Variants in RIMS1 observed in about 807,000 individuals in gnomAD.
RIMS1 encodes regulating synaptic membrane exocytosis 1, also known as regulating synaptic membrane exocytosis protein 1.
A neutral mutation model predicts 214.1 loss-of-function variants in RIMS1; 83 were observed. The ratio of observed to expected loss-of-function variants is 0.39; its 90% CI spans 0.32 to 0.47. RIMS1 has a LOEUF of 0.47. Ranked by LOEUF, RIMS1 falls within the 20% of genes least tolerant of loss-of-function variation. The pLI is 0.99. For synonymous variants in RIMS1, 793 were observed against 786.8 expected (o/e 1.01, Z -0.13); for missense variants, 2,050 against 2,161.8 (o/e 0.95, Z 1.03).
At chr6:71,947,774 A>T (rs1744502465) in intron 1 of RIMS1, among the ~76,000 whole-genome samples, 1 of 152,140 alleles carries the variant, frequency 6.6e-6, no homozygotes, top group South Asian at 2.1e-4. Context: ...CATATATGAA[A>T]TATGTTACAA....
chr6:71,917,471 T>A (rs139185748), intron 1 of RIMS1, among the ~76,000 whole-genome samples: 468 of 152,132 alleles, frequency 3.1e-3, no homozygotes, highest in African/African-American at 0.011. Context: ...AGTGCTTACA[T>A]GTTGAGAGTA....
At chr6:72,355,100 TAACTA>T (rs1377490834) in intron 29 of RIMS1, among the ~76,000 whole-genome samples, 5 of 152,226 alleles carry the variant, frequency 3.3e-5, no homozygotes, top group Non-Finnish European at 5.9e-5. Context: ...TTTGTATACT[TAACTA>T]AAGTTTTATT....
At chr6:72,040,416 T>G (rs1047649679) in intron 2 of RIMS1, among the ~76,000 whole-genome samples, 1 of 152,126 alleles carries the variant, frequency 6.6e-6, no homozygotes. Context: ...TGTCTAGATT[T>G]TGAATTCTAG....
chr6:72,182,573 C>A lies in RIMS1; in HGVS notation c.1102C>A (p.Pro368Thr). Residue 368 changes from proline to threonine, a missense_variant, in exon 6 of 34, where the codon CCG becomes ACG. Physicochemically the swap from Pro to Thr is conservative, Grantham distance 38. Transcript: ENST00000521978. Reference sequence around the variant, plus strand: ...GAACCTAGCTCGGTACCCGGTGAAACCGCCGCCTGAGGAGCAGCAGATGCG... The same window carrying A: ...GAACCTAGCTCGGTACCCGGTGAAAACGCCGCCTGAGGAGCAGCAGATGCG... The part of the protein sequence containing the change: ...DPNLARYPVK[P>T]PPEEQQMRMH... 1 of 1,549,782 alleles carries A rather than the reference C, an allele frequency of 6.5e-7. No homozygotes were observed. Among genetic ancestry groups the A allele is most frequent in the Non-Finnish European group, 8.7e-7 (1 of 1,147,282 alleles).
chr6:72,235,691 C>A lies in RIMS1; in HGVS notation c.1820C>A (p.Thr607Asn). 1 of 1,609,172 alleles carries A rather than the reference C, an allele frequency of 6.2e-7. No homozygotes were observed. The highest frequency in any genetic ancestry group is 8.5e-7 in the Non-Finnish European group (1 of 1,177,430). Residue 607 changes from threonine to asparagine, a missense_variant, in exon 8 of 34, where the codon ACC becomes AAC. Around this residue, in one of 6 missense-constraint regions of RIMS1, gnomAD observed 882 missense variants for 828.9 expected, o/e 1.06. Transcript: ENST00000521978. ...IGRVILNKRT[T>N]MPKDSGALLG... is the part of the protein sequence containing the mutation. ...CGTGTTATTCTTAACAAGAGAACAA[C>A]CATGCCCAAAGACTCAGGTGCATTG...
At chr6:71,989,731 A>G (rs1801022861) in intron 2 of RIMS1, among the ~76,000 whole-genome samples, 1 of 152,176 alleles carries the variant, frequency 6.6e-6, no homozygotes, top group Non-Finnish European at 1.5e-5. Flanking sequence ...GTACCGTGCT[A>G]GCAACCAGGA....
At chr6:72,024,194 T>G (rs183539333) in intron 2 of RIMS1, among the ~76,000 whole-genome samples, 15 of 152,282 alleles carry the variant, frequency 9.9e-5, no homozygotes, top group Admixed American at 8.5e-4. Context: ...TTTATTTTAT[T>G]TTCTTAGCTC....
chr6:72,240,844 C>T (rs942001217), intron 9 of RIMS1, among the ~76,000 whole-genome samples: 5 of 151,418 alleles, frequency 3.3e-5, no homozygotes, highest in African/African-American at 9.7e-5. Context: ...GGTGAAACCC[C>T]GTCTCTACTA....
chr6:72,276,284 A>G (rs755294250), intron 23 of RIMS1, among the ~76,000 whole-genome samples: 1 of 152,254 alleles, frequency 6.6e-6, no homozygotes, highest in African/African-American at 2.4e-5. Flanking sequence ...TCCAAAACAA[A>G]TAAAATAGTA....
Position 72,365,410 on chromosome 6 carries a change from A to C in RIMS1, c.4367-25188A>C, listed in dbSNP as rs78700573. Among the ~76,000 whole-genome samples the C allele has an allele frequency of 5.4e-3, 823 of 152,346 alleles. 5 individuals carry two copies. The highest frequency in any genetic ancestry group is 0.03 in the South Asian group (146 of 4,822). ...ATACATTGTTTACCAAGGTACCAGT[A>C]GGCTAAACTTTTGAATTACATAGAC... On this transcript the variant is annotated intron_variant, in intron 29 of 33. Transcript: ENST00000521978.
At chr6:72,085,318 A>G (rs1390009845) in intron 2 of RIMS1, among the ~76,000 whole-genome samples, 1 of 152,192 alleles carries the variant, frequency 6.6e-6, no homozygotes, top group Non-Finnish European at 1.5e-5. Context: ...TATTTAGAAT[A>G]TTGCCTCTGA....
chr6:72,110,583 C>A (rs1272521013), intron 4 of RIMS1, among the ~76,000 whole-genome samples: 1 of 149,200 alleles, frequency 6.7e-6, no homozygotes, highest in Non-Finnish European at 1.5e-5. Flanking sequence ...AGTTGCTTAT[C>A]AGCTTAAGGA....
chr6:72,251,115 A>G (rs756437531), intron 14 of RIMS1, 23 bp downstream of exon 14: 1 of 1,564,250 alleles, frequency 6.4e-7, no homozygotes, highest in Admixed American at 1.9e-5. Context: ...TTAAAAACTC[A>G]AGTCAAATAG....
chr6:72,124,144 A>T lies in RIMS1; in HGVS notation c.471+24158A>T, dbSNP rs1421458677. On this transcript the variant is annotated intron_variant, in intron 4 of 33. Coordinates refer to ENST00000521978, the MANE Select transcript of RIMS1 (RefSeq NM_014989.7). ...CCTTTCCGTGTTTAGTGCTTCCTTC[A>T]GGAGCTCTTTTAGGGCAGGCCTGGT... 4.6e-5 allele frequency among the ~76,000 whole-genome samples: 7 copies of T among 151,838 alleles called. 1 individual carries two copies. Among genetic ancestry groups the T allele is most frequent in the Admixed American group, 2.6e-4 (4 of 15,224 alleles).
At chr6:72,223,066 T>C (rs1336545118) in intron 6 of RIMS1, among the ~76,000 whole-genome samples, 1 of 152,220 alleles carries the variant, frequency 6.6e-6, no homozygotes, top group Non-Finnish European at 1.5e-5. Context: ...AGTGTGCATC[T>C]TTAATGGTTT....
chr6:72,145,626 A>G (rs141253620), intron 4 of RIMS1, among the ~76,000 whole-genome samples: 1 of 152,196 alleles, frequency 6.6e-6, no homozygotes, highest in East Asian at 1.9e-4. Context: ...AAAATCAAAA[A>G]AGAAAGTTAC....
intron 1 of RIMS1, among the ~76,000 whole-genome samples, chr6:71,897,193 A>T (rs1359060088): frequency 6.6e-6 from 1 of 152,082 alleles, no homozygotes; most frequent in Non-Finnish European, 1.5e-5. Flanking sequence ...TTATTTTCCA[A>T]TCCCATTGTC....
chr6:72,378,599 G>A (rs554947543), intron 29 of RIMS1, among the ~76,000 whole-genome samples: 1 of 152,258 alleles, frequency 6.6e-6, no homozygotes, highest in South Asian at 2.1e-4. Flanking sequence ...GGAGGCCAAG[G>A]CGGGTGGATC....
intron 2 of RIMS1, among the ~76,000 whole-genome samples, chr6:72,084,846 C>T (rs527566225): frequency 7.9e-5 from 12 of 152,176 alleles, no homozygotes; most frequent in African/African-American, 2.9e-4. Flanking sequence ...ATTGGATGAA[C>T]TTCATTTTTA....
Sources: gnomAD v4.1 joint callset for allele counts (sites outside exome capture counted in the v4.1 genomes callset) on GRCh38, gnomAD v4.1.1 for gene constraint, gnomAD v4.1.1 regional missense constraint, MANE v1.5 for transcripts, NCBI Gene and HGNC (gene_info 2026-07-23, HGNC 2026-07-21) for gene names.